Variants in NPIPB15 observed in about 807,000 individuals in gnomAD.
NPIPB15 encodes nuclear pore complex interacting protein family member B15.
Under a neutral mutation model 35.9 loss-of-function variants are expected in NPIPB15, and 5 were observed. That is an observed-to-expected ratio of 0.14 (90% CI 0.07 to 0.29). NPIPB15 has a LOEUF of 0.29. NPIPB15 is among the 10% of genes least tolerant of loss of function. The probability of loss-of-function intolerance (pLI) is 1.00; values close to 1 mark genes in which losing one functional copy is unlikely to be tolerated. For missense variants in NPIPB15, 100 were observed against 506.1 expected (o/e 0.20, Z 7.70); for synonymous variants, 43 against 182.0 (o/e 0.24, Z 6.15).
At chr16:74,377,475 G>T (rs1455147677) in intron 1 of NPIPB15, among the ~76,000 whole-genome samples, 129 bp downstream of exon 1, 3 of 152,080 alleles carry the variant, frequency 2.0e-5, no homozygotes, top group Non-Finnish European at 4.4e-5. Context: ...GGGGTCATCA[G>T]GGATTGGTGG....
intron 2 of NPIPB15, among the ~76,000 whole-genome samples, chr16:74,378,702 G>A (rs965139191): frequency 6.2e-5 from 9 of 146,126 alleles, no homozygotes; most frequent in East Asian, 2.0e-4. Flanking sequence ...GAACCACCGC[G>A]CCTGGCCAAA....
intron 5 of NPIPB15, among the ~76,000 whole-genome samples, chr16:74,387,338 C>T (rs2012331940): frequency 6.7e-6 from 1 of 148,668 alleles, no homozygotes; most frequent in Non-Finnish European, 1.5e-5. Flanking sequence ...TGGAATTCAG[C>T]AATGAAACTC....
At chr16:74,379,474 C>T (rs1463157996) in intron 2 of NPIPB15, among the ~76,000 whole-genome samples, 2 of 152,044 alleles carry the variant, frequency 1.3e-5, no homozygotes, top group African/African-American at 4.8e-5. Context: ...TCTGAACTTA[C>T]TCAGGGGAAG....
rs2012320716 is a variant in NPIPB15, at chr16:74,387,076, C to A, written c.545+1327C>A. Among the ~76,000 whole-genome samples, 4 of 151,690 alleles carry A rather than the reference C, an allele frequency of 2.6e-5. No homozygotes were observed. The South Asian group carries it at 8.3e-4, about 32-fold the overall frequency. ...CTGCAGAAGAGATGGGAGTCTACTT[C>A]TGGGGGATGGTCACGGGTCCTCCAT... On this transcript the variant is annotated intron_variant, in intron 5 of 7. Transcript: ENST00000692376.
At chr16:74,387,387 T>C (rs1035968105) in intron 5 of NPIPB15, among the ~76,000 whole-genome samples, 4 of 149,388 alleles carry the variant, frequency 2.7e-5, no homozygotes, top group African/African-American at 1.0e-4. Flanking sequence ...ACTTTCGTCC[T>C]GGGTTTCCTT....
chr16:74,381,127 A>C (rs1375892924), intron 2 of NPIPB15, among the ~76,000 whole-genome samples: 7 of 130,948 alleles, frequency 5.3e-5, no homozygotes, highest in Non-Finnish European at 6.2e-5. Flanking sequence ...TGGGCGACTG[A>C]GTGGAGCGGA....
At chr16:74,379,645 A>C (rs1235855266) in intron 2 of NPIPB15, among the ~76,000 whole-genome samples, 2 of 149,634 alleles carry the variant, frequency 1.3e-5, no homozygotes, top group African/African-American at 2.5e-5. Context: ...GCTGAAGTGC[A>C]GTGGTGCGAT....
chr16:74,379,545 C>A (rs1369933542), intron 2 of NPIPB15, among the ~76,000 whole-genome samples: 1 of 151,018 alleles, frequency 6.6e-6, no homozygotes, highest in African/African-American at 2.4e-5. Context: ...TAGAGAAATC[C>A]CACACTATTC....
In NPIPB15 at chr16:74,377,237, T is replaced by A. The variant is rs1174999375; in HGVS notation, c.-132T>A. The stretch of plus-strand genomic sequence containing the variant: ...CTTCCTGCCATCCTGCCATCATTTG[T>A]TTTTTATGTTTTGTCGCCAAAAGTG... On this transcript the variant is annotated 5_prime_UTR_variant, in exon 1 of 8. Coordinates refer to ENST00000692376, the MANE Select transcript of NPIPB15 (RefSeq NM_001306094.2). Among the ~76,000 whole-genome samples, 3 of 148,438 alleles carry A rather than the reference T, an allele frequency of 2.0e-5. No homozygotes were observed. Among genetic ancestry groups the A allele is most frequent in the Non-Finnish European group, 1.5e-5 (1 of 67,458 alleles).
chr16:74,381,578 C>G lies in NPIPB15; in HGVS notation c.129C>G (p.Asp43Glu). The change falls in exon 3 of 8, where the codon GAC (aspartate) becomes GAG (glutamate). Residue 43 changes from aspartate (D) to glutamate (E), a missense_variant. Physicochemically the swap from Asp to Glu is conservative, Grantham distance 45 (BLOSUM62 2). Coordinates refer to ENST00000692376, the MANE Select transcript of NPIPB15 (RefSeq NM_001306094.2). ...RETDFGVGVR[D>E]HPGQHGKTPS... ...CTGACTTTGGTGTAGGAGTTCGAGA[C>G]CACCCTGGCCAACATGGCAAAACCC... The G allele has an allele frequency of 6.4e-7, 1 of 1,567,706 alleles. No homozygotes were observed. Among genetic ancestry groups the G allele is most frequent in the Non-Finnish European group, 8.6e-7 (1 of 1,160,534 alleles).
intron 2 of NPIPB15, among the ~76,000 whole-genome samples, chr16:74,379,211 A>G (rs1251012548): frequency 2.0e-5 from 3 of 152,220 alleles, no homozygotes. Context: ...ATACAGATGC[A>G]TGCCATGCCA....
At chr16:74,384,668 ATTTTTTTTTTTT>A (rs1186582416) in intron 3 of NPIPB15, among the ~76,000 whole-genome samples, 1,450 of 61,588 alleles carry the variant, frequency 0.024, 65 homozygotes, top group African/African-American at 0.087. Flanking sequence ...CACCTGGCCT[ATTTTTTTTTTTT>A]TTTTTTTTTT....
rs1399552541 is a variant in NPIPB15 at position 74,389,810 on chromosome 16, G to C, written c.546-15G>C. ...ACATGGTGCTTTATCTGATGAAAGT[G>C]ATTGTAATCCATAGGAAAATGTTTC... On this transcript the variant is annotated splice_polypyrimidine_tract_variant and intron_variant, in intron 5 of 7. Coordinates refer to ENST00000692376, the MANE Select transcript of NPIPB15 (RefSeq NM_001306094.2). The C allele has an allele frequency of 1.4e-6, 2 of 1,406,648 alleles. No homozygotes were observed. Among genetic ancestry groups the C allele is most frequent in the African/African-American group, 2.9e-5 (2 of 67,950 alleles). The allele number at this position is 1,406,648 out of a possible 1,614,324, so 87.1% of individuals were successfully genotyped here.
chr16:74,391,825 G>C lies in NPIPB15; in HGVS notation c.1077G>C (p.Lys359Asn). The change falls in exon 8 of 8, where the codon AAG (lysine) becomes AAC (asparagine). Residue 359 changes from lysine (K) to asparagine (N), a missense_variant. Transcript: ENST00000692376. ...AGGCGGAAAAACCACCCAAACCCAAGAGGTGGAGGGTGGATGAGGTGGAAC... is the reference window on the plus strand; with the variant it reads ...AGGCGGAAAAACCACCCAAACCCAACAGGTGGAGGGTGGATGAGGTGGAAC... ...EAEAEKPPKP[K>N]RWRVDEVEQS... 1.2e-6 allele frequency: 2 copies of C among 1,608,554 alleles called. No homozygotes were observed. Among genetic ancestry groups the C allele is most frequent in the Non-Finnish European group, 1.7e-6 (2 of 1,176,282 alleles).
chr16:74,379,697 C>T (rs1405032104), intron 2 of NPIPB15, among the ~76,000 whole-genome samples: 2 of 151,364 alleles, frequency 1.3e-5, no homozygotes, highest in African/African-American at 4.9e-5. Flanking sequence ...TCAAGTGATT[C>T]TTCTGCCTCA....
At chr16:74,377,606 C>T (rs1446129032) in intron 1 of NPIPB15, among the ~76,000 whole-genome samples, 81 of 152,162 alleles carry the variant, frequency 5.3e-4, no homozygotes, top group Non-Finnish European at 7.1e-4. Context: ...CCTTGCCCCA[C>T]GTGTCCTGTT....
intron 7 of NPIPB15, 182 bp downstream of exon 7, chr16:74,390,212 C>T: frequency 1.0e-6 from 1 of 952,546 alleles, no homozygotes; most frequent in East Asian, 1.4e-4. Context: ...CACCTTCATC[C>T]CCACCCAGTG....
chr16:74,390,987 C>T (rs1347004105), intron 7 of NPIPB15: 1 of 601,306 alleles, frequency 1.7e-6, no homozygotes, highest in Non-Finnish European at 2.1e-6. Flanking sequence ...CTTACTGTCT[C>T]TTACTGTCTG....
intron 3 of NPIPB15, among the ~76,000 whole-genome samples, chr16:74,385,054 G>A (rs1465137025): frequency 2.1e-5 from 3 of 140,702 alleles, no homozygotes; most frequent in Admixed American, 7.4e-5. Context: ...TCATTCTGTC[G>A]CTCAGGCTGG....
Sources: allele counts gnomAD v4.1 joint callset (sites outside exome capture counted in the v4.1 genomes callset), GRCh38; gene constraint gnomAD v4.1.1; transcripts MANE v1.5; gene names NCBI Gene and HGNC (gene_info 2026-07-23, HGNC 2026-07-21).